MFHAS1: variants seen among roughly 807,000 people sequenced by gnomAD.
The protein encoded by MFHAS1 is multifunctional ROCO family signaling regulator 1, also known as malignant fibrous histiocytoma-amplified sequence 1.
In MFHAS1, 50 loss-of-function variants were observed where a neutral mutation model predicts 70.4. The ratio of observed to expected loss-of-function variants is 0.71; its 90% confidence interval spans 0.57 to 0.90. MFHAS1 has a LOEUF of 0.90. Ranked by LOEUF, MFHAS1 falls within the 40% of genes least tolerant of loss-of-function variation. MFHAS1 has a pLI of 0.00. For synonymous variants in MFHAS1, 952 were observed against 620.0 expected, an observed-to-expected ratio of 1.54 and a Z score of -7.96; for missense variants, 1,795 against 1,347.6, an observed-to-expected ratio of 1.33 and a Z score of -5.20.
At chr8:8,801,147 G>C (rs1443062718) in intron 1 of MFHAS1, among the ~76,000 whole-genome samples, 2 of 152,046 alleles carry the variant, frequency 1.3e-5, no homozygotes, top group Non-Finnish European at 2.9e-5. Context: ...CCTGGGAAGT[G>C]GAGGTTGCAG....
At chr8:8,843,093 G>A (rs1217937746) in intron 1 of MFHAS1, among the ~76,000 whole-genome samples, 1 of 150,806 alleles carries the variant, frequency 6.6e-6, no homozygotes, top group Non-Finnish European at 1.5e-5. Context: ...GTGAAACCCG[G>A]TCTCTACTAA....
chr8:8,866,294 C>T (rs1246526058), intron 1 of MFHAS1, among the ~76,000 whole-genome samples: 6 of 151,436 alleles, frequency 4.0e-5, no homozygotes, highest in Admixed American at 6.6e-5. Context: ...TCTATGGCAA[C>T]TTAGCAAGGA....
chr8:8,833,404 G>A (rs943962745), intron 1 of MFHAS1, among the ~76,000 whole-genome samples: 1 of 152,106 alleles, frequency 6.6e-6, no homozygotes, highest in Non-Finnish European at 1.5e-5. Flanking sequence ...GGAAGTGGGA[G>A]GATCGCTTGA....
intron 1 of MFHAS1, among the ~76,000 whole-genome samples, chr8:8,800,651 T>A (rs1214757943): frequency 1.3e-5 from 2 of 152,216 alleles, no homozygotes; most frequent in African/African-American, 4.8e-5. Flanking sequence ...GCTCCTTGCC[T>A]GCTTATCTTC....
intron 1 of MFHAS1, among the ~76,000 whole-genome samples, chr8:8,879,925 G>C (rs1237960113): frequency 6.6e-6 from 1 of 152,144 alleles, no homozygotes; most frequent in Non-Finnish European, 1.5e-5. Context: ...ATTAGGTCTT[G>C]CCAGTCATTC....
intron 1 of MFHAS1, among the ~76,000 whole-genome samples, chr8:8,848,331 T>C (rs1252413556): frequency 6.6e-6 from 1 of 152,004 alleles, no homozygotes; most frequent in East Asian, 1.9e-4. Context: ...TGAACCCGTG[T>C]TAGCCATTTG....
At chr8:8,801,886 GAGA>G (rs1381692887) in intron 1 of MFHAS1, among the ~76,000 whole-genome samples, 3 of 152,164 alleles carry the variant, frequency 2.0e-5, no homozygotes, top group African/African-American at 7.2e-5. Flanking sequence ...GTGGAGTTCG[GAGA>G]AGGAGAGATT....
At position 8,800,895 on chromosome 8, in the gene MFHAS1, C is replaced by T. The variant is rs201736606; in HGVS notation, c.2999-3404G>A. ...TTCTTGGCTAGTATGTCACAGCTTT[C>T]GGTGGTCAGATCATTTTGCCAGAGA... On this transcript the variant is annotated intron_variant, in intron 1 of 2. Coordinates refer to ENST00000276282, the MANE Select transcript of MFHAS1 (RefSeq NM_004225.3). Among the ~76,000 whole-genome samples the T allele has an allele frequency of 3.6e-3, 544 of 152,188 alleles. 3 individuals carry two copies. The highest frequency in any genetic ancestry group is 0.013 in the African/African-American group (519 of 41,514).
chr8:8,808,829 C>A (rs966231572), intron 1 of MFHAS1, among the ~76,000 whole-genome samples: 7 of 152,138 alleles, frequency 4.6e-5, no homozygotes, highest in Middle Eastern at 3.2e-3. Context: ...TGGAAAGCAT[C>A]CCCCGCAAAT....
intron 1 of MFHAS1, among the ~76,000 whole-genome samples, chr8:8,805,129 G>A (rs949027335): frequency 1.8e-4 from 27 of 152,148 alleles, no homozygotes; most frequent in African/African-American, 6.0e-4. Context: ...CAATGCATTT[G>A]GTAAACGTTC....
In MFHAS1 at chr8:8,891,088, T is replaced by G. The variant is rs1316428616; in HGVS notation, c.1971A>C (p.Arg657Ser). Reference sequence around the variant, plus strand: ...GCACCTGCCAGGATCGAGGCAGTACTCTGTGTAAGTTGGGGAAGATCTCTC... The same window carrying G: ...GCACCTGCCAGGATCGAGGCAGTACGCTGTGTAAGTTGGGGAAGATCTCTC... ...EHREIFPNLH[R>S]VLPRSWQVLE... Residue 657 changes from arginine (R) to serine (S), a missense_variant, in exon 1 of 3, where the codon AGA becomes AGC. Coordinates refer to ENST00000276282, the MANE Select transcript of MFHAS1 (RefSeq NM_004225.3). The surrounding 1 kb of genome is among the most constrained non-coding windows in gnomAD (Gnocchi z 5.4). The G allele has an allele frequency of 6.2e-7, 1 of 1,613,792 alleles. No individual in the cohort carries two copies.
At chr8:8,832,369 A>G (rs970256366) in intron 1 of MFHAS1, among the ~76,000 whole-genome samples, 4 of 151,262 alleles carry the variant, frequency 2.6e-5, no homozygotes, top group Admixed American at 2.0e-4. Flanking sequence ...ATACAGCTCA[A>G]TGATAAGACG....
intron 1 of MFHAS1, among the ~76,000 whole-genome samples, chr8:8,845,119 C>T (rs1440711904): frequency 1.3e-5 from 2 of 152,208 alleles, no homozygotes; most frequent in African/African-American, 2.4e-5. Context: ...GAAATTTAAA[C>T]TGACCCTCTG....
intron 1 of MFHAS1, among the ~76,000 whole-genome samples, chr8:8,834,225 A>G (rs752300874): frequency 2.6e-5 from 4 of 152,252 alleles, no homozygotes; most frequent in Admixed American, 6.5e-5. Context: ...TGGTGGTCCC[A>G]TAAGATTATA....
chr8:8,869,023 G>A (rs928729068), intron 1 of MFHAS1, among the ~76,000 whole-genome samples: 1 of 152,186 alleles, frequency 6.6e-6, no homozygotes, highest in Non-Finnish European at 1.5e-5. Flanking sequence ...TTATTAGGTG[G>A]AAAAGTAGTT....
intron 1 of MFHAS1, among the ~76,000 whole-genome samples, chr8:8,832,236 T>G (rs192629620): frequency 6.6e-6 from 1 of 151,818 alleles, no homozygotes; most frequent in African/African-American, 2.4e-5. Context: ...AATTGAAATG[T>G]TGAACTCTTG....
intron 1 of MFHAS1, among the ~76,000 whole-genome samples, chr8:8,883,483 G>T (rs1389834731): frequency 6.6e-6 from 1 of 151,714 alleles, no homozygotes; most frequent in Non-Finnish European, 1.5e-5. Flanking sequence ...CAAGGTGGGT[G>T]GATCACGTGA....
intron 1 of MFHAS1, among the ~76,000 whole-genome samples, chr8:8,850,990 T>C (rs1196176836): frequency 4.6e-5 from 7 of 152,158 alleles, no homozygotes; most frequent in Non-Finnish European, 1.0e-4. Flanking sequence ...TTTACCACCC[T>C]GGGCACTACA....
intron 1 of MFHAS1, among the ~76,000 whole-genome samples, chr8:8,799,716 A>T (rs1179703945): frequency 1.3e-5 from 2 of 152,246 alleles, no homozygotes; most frequent in Non-Finnish European, 2.9e-5. Flanking sequence ...AGATCAGGCC[A>T]CTGCACTCCA....
Sources: gnomAD v4.1 joint callset for allele counts (sites outside exome capture counted in the v4.1 genomes callset) on GRCh38, gnomAD v4.1.1 for gene constraint, Gnocchi (gnomAD v3.1) non-coding constraint, MANE v1.5 for transcripts, NCBI Gene and HGNC (gene_info 2026-07-23, HGNC 2026-07-21) for gene names.